XRCC2: variants seen among roughly 807,000 people sequenced by gnomAD.
The protein encoded by XRCC2 is DNA repair protein XRCC2.
A neutral mutation model predicts 27.3 loss-of-function variants in XRCC2; 24 were observed. That is an observed-to-expected ratio of 0.88 (90% CI 0.64 to 1.24). The LOEUF (loss-of-function observed/expected upper bound fraction) is 1.24, where lower values mean the gene tolerates loss of function less well. Among genes scored for constraint, XRCC2 ranks in the 50% most tolerant of loss-of-function variants. The probability of loss-of-function intolerance (pLI) is 0.00; values close to 1 mark genes in which losing one functional copy is unlikely to be tolerated. For missense variants in XRCC2, 321 were observed against 325.8 expected, an observed-to-expected ratio of 0.99 and a Z score of 0.11; for synonymous variants, 106 against 115.4, an observed-to-expected ratio of 0.92 and a Z score of 0.52.
chr7:152,663,346 TAAAAAAAAAAA>T (rs530664762), intron 1 of XRCC2, among the ~76,000 whole-genome samples: 6 of 80,910 alleles, frequency 7.4e-5, no homozygotes, highest in African/African-American at 1.3e-4. Context: ...GTCTTTGAAG[TAAAAAAAAAAA>T]AAAAAAAAAA....
intron 1 of XRCC2, among the ~76,000 whole-genome samples, chr7:152,666,785 T>C (rs2098035921): frequency 6.6e-6 from 1 of 151,500 alleles, no homozygotes; most frequent in African/African-American, 2.4e-5. Flanking sequence ...GCCTGGCTAA[T>C]TTTTGTATTT....
chr7:152,652,268 C>T (rs557848890), intron 2 of XRCC2, among the ~76,000 whole-genome samples: 5 of 152,128 alleles, frequency 3.3e-5, no homozygotes, highest in Non-Finnish European at 7.4e-5. Flanking sequence ...AGCAACTAAA[C>T]CTGTATTCCA....
intron 2 of XRCC2, among the ~76,000 whole-genome samples, chr7:152,657,526 G>A (rs976895696): frequency 1.3e-5 from 2 of 152,068 alleles, no homozygotes; most frequent in Non-Finnish European, 2.9e-5. Flanking sequence ...TCTGACCTCA[G>A]GTGATCCACA....
intron 1 of XRCC2, among the ~76,000 whole-genome samples, chr7:152,667,346 G>A (rs1458582731): frequency 1.4e-5 from 2 of 145,298 alleles, no homozygotes; most frequent in East Asian, 2.0e-4. Flanking sequence ...CAGAGGTTGC[G>A]GTGAGCCGAG....
rs78706535 is a variant in XRCC2, at chr7:152,669,936, TAA to T, written c.39+6103_39+6104del. The stretch of plus-strand genomic sequence containing the variant: ...TTTAAACTAAACAGTCAAAAGGCTG[TAA>T]AAAAAAAAAAAAGTACAATAAAGTT... On this transcript the variant is annotated intron_variant, in intron 1 of 2. Transcript: ENST00000359321. Among the ~76,000 whole-genome samples, 757 of 133,776 alleles carry T rather than the reference TAA, an allele frequency of 5.7e-3. 5 individuals are homozygous for T. The highest frequency in any genetic ancestry group is 0.019 in the African/African-American group (708 of 36,590). The allele number at this position is 133,776 out of a possible 152,430, so 87.8% of individuals were successfully genotyped here.
At chr7:152,649,580 C>T (rs2098027652) in intron 2 of XRCC2, among the ~76,000 whole-genome samples, 1 of 152,116 alleles carries the variant, frequency 6.6e-6, no homozygotes, top group African/African-American at 2.4e-5. Context: ...TCTCCTCCGG[C>T]CAGGCTCACA....
At chr7:152,657,054 T>TG (rs1563028901) in intron 2 of XRCC2, among the ~76,000 whole-genome samples, 1 of 151,674 alleles carries the variant, frequency 6.6e-6, no homozygotes, top group African/African-American at 2.4e-5. Context: ...CTGGCCAACG[T>TG]GGTGAAACCC....
chr7:152,667,920 C>G (rs560738555), intron 1 of XRCC2, among the ~76,000 whole-genome samples: 54 of 150,834 alleles, frequency 3.6e-4, no homozygotes, highest in Non-Finnish European at 3.2e-4. Context: ...CCTAGCTACT[C>G]GGGAGGCTGA....
chr7:152,666,782 T>C (rs2117005636), intron 1 of XRCC2, among the ~76,000 whole-genome samples: 1 of 151,752 alleles, frequency 6.6e-6, no homozygotes, highest in African/African-American at 2.4e-5. Context: ...CATGCCTGGC[T>C]AATTTTTGTA....
chr7:152,660,584 A>G (rs2098032641), intron 2 of XRCC2, 117 bp downstream of exon 2: 3 of 779,680 alleles, frequency 3.8e-6, no homozygotes, highest in South Asian at 2.4e-5. Flanking sequence ...TCATTTTCCA[A>G]TTGTACAGTT....
intron 2 of XRCC2, among the ~76,000 whole-genome samples, chr7:152,654,279 T>C (rs1262186788): frequency 6.8e-6 from 1 of 146,412 alleles, no homozygotes; most frequent in East Asian, 2.0e-4. Flanking sequence ...CACACAGAAA[T>C]AATAGAGAAA....
Position 152,646,860 on chromosome 7 carries a change from A to T in XRCC2, c.*1782T>A, listed in dbSNP as rs970609520. The T allele has an allele frequency of 6.6e-6, 1 of 152,210 alleles. No homozygotes were observed. Among genetic ancestry groups the T allele is most frequent in the Non-Finnish European group, 1.5e-5 (1 of 68,054 alleles). 9.4% of individuals were successfully genotyped at this position (152,210 alleles called of 1,614,324 possible). ...TTAATCCAGTCTGTCACTGATGGGC[A>T]GTGCTGCAACGAACATACGCGTGCA... On this transcript the variant is annotated 3_prime_UTR_variant, in exon 3 of 3. Transcript: ENST00000359321.
intron 1 of XRCC2, among the ~76,000 whole-genome samples, chr7:152,661,790 A>G (rs772753607): frequency 3.3e-5 from 5 of 152,212 alleles, no homozygotes; most frequent in African/African-American, 4.8e-5. Context: ...GACACTAAGC[A>G]CTGAGAAGTA....
At chr7:152,668,009 C>T (rs1168838550) in intron 1 of XRCC2, among the ~76,000 whole-genome samples, 1 of 144,338 alleles carries the variant, frequency 6.9e-6, no homozygotes, top group Non-Finnish European at 1.5e-5. Flanking sequence ...GCCTAGGAGA[C>T]AGAACGAGAC....
chr7:152,658,341 G>A (rs1043847392), intron 2 of XRCC2, among the ~76,000 whole-genome samples: 17 of 151,920 alleles, frequency 1.1e-4, no homozygotes, highest in Admixed American at 3.3e-4. Flanking sequence ...TAGTAGAGAC[G>A]GGGTTTCACC....
At chr7:152,662,673 C>T (rs938198029) in intron 1 of XRCC2, among the ~76,000 whole-genome samples, 4 of 144,772 alleles carry the variant, frequency 2.8e-5, no homozygotes, top group African/African-American at 7.8e-5. Flanking sequence ...CCCGGGTTCA[C>T]GCCATTCTCC....
intron 1 of XRCC2, among the ~76,000 whole-genome samples, chr7:152,673,463 C>T (rs1030324898): frequency 6.6e-6 from 1 of 152,036 alleles, no homozygotes; most frequent in African/African-American, 2.4e-5. Context: ...CTGCACCCAG[C>T]CTAAAAAAAT....
intron 1 of XRCC2, among the ~76,000 whole-genome samples, chr7:152,662,121 C>T (rs1396504847): frequency 6.6e-6 from 1 of 152,110 alleles, no homozygotes; most frequent in Non-Finnish European, 1.5e-5. Flanking sequence ...CCCACCACCA[C>T]GCCCGGCTAA....
intron 1 of XRCC2, among the ~76,000 whole-genome samples, chr7:152,669,859 A>G (rs1260495542): frequency 1.3e-5 from 2 of 151,760 alleles, no homozygotes; most frequent in Non-Finnish European, 2.9e-5. Context: ...GCACTTCGGG[A>G]GGCCGAGGTG....
Sources: gnomAD v4.1 joint callset for allele counts (sites outside exome capture counted in the v4.1 genomes callset) on GRCh38, gnomAD v4.1.1 for gene constraint, MANE v1.5 for transcripts, NCBI Gene and HGNC (gene_info 2026-07-23, HGNC 2026-07-21) for gene names.